Variants in PARP11 observed in about 807,000 individuals in gnomAD.
PARP11 encodes the protein poly(ADP-ribose) polymerase family member 11.
Under a neutral mutation model 42.9 loss-of-function variants are expected in PARP11, and 31 were observed. That is an observed-to-expected ratio of 0.72 (90% CI 0.54 to 0.98). The LOEUF (loss-of-function observed/expected upper bound fraction) is 0.98. PARP11 is among the 50% of genes least tolerant of loss of function. The pLI is 0.00. For synonymous variants in PARP11, 137 were observed against 127.3 expected (o/e 1.08, Z -0.51); for missense variants, 365 against 413.1 (o/e 0.88, Z 1.01).
chr12:3,839,479 C>T, intron 1 of PARP11: 2 of 1,612,162 alleles, frequency 1.2e-6, no homozygotes, highest in East Asian at 2.2e-5. Context: ...CTCTCAGTCT[C>T]GCCATGTTGA....
At chr12:3,829,085 C>T in intron 2 of PARP11, 55 bp from the exon 3 acceptor site, 1 of 1,602,186 alleles carries the variant, frequency 6.2e-7, no homozygotes. Flanking sequence ...AATGACTTGG[C>T]CACAGAGGTG....
chr12:3,843,615 G>GT (rs1947936968), intron 1 of PARP11, among the ~76,000 whole-genome samples: 1 of 152,146 alleles, frequency 6.6e-6, no homozygotes, highest in Non-Finnish European at 1.5e-5. Context: ...GTTTTGCTTT[G>GT]TATTTTATAG....
At chr12:3,859,001 G>A (rs1358679942) in intron 1 of PARP11, among the ~76,000 whole-genome samples, 1 of 151,408 alleles carries the variant, frequency 6.6e-6, no homozygotes, top group Non-Finnish European at 1.5e-5. Context: ...GGAGGCTGAG[G>A]CAGGAGGATC....
intron 6 of PARP11, among the ~76,000 whole-genome samples, chr12:3,816,259 T>C (rs1947285817): frequency 6.6e-6 from 1 of 152,242 alleles, no homozygotes; most frequent in African/African-American, 2.4e-5. Context: ...CCAAGGTCTT[T>C]CTGACTGCTG....
intron 1 of PARP11, chr12:3,841,537 A>C (rs528687731): frequency 4.4e-6 from 7 of 1,599,576 alleles, no homozygotes; most frequent in Non-Finnish European, 6.0e-6. Flanking sequence ...TGGACCGCCG[A>C]CATTTTCTTC....
chr12:3,832,916 G>A (rs2138052366), intron 1 of PARP11, among the ~76,000 whole-genome samples: 1 of 152,252 alleles, frequency 6.6e-6, no homozygotes, highest in East Asian at 1.9e-4. Flanking sequence ...AAGGGCAATG[G>A]GTATGCTGGT....
At chr12:3,849,519 G>A (rs530236378) in intron 1 of PARP11, among the ~76,000 whole-genome samples, 5 of 152,162 alleles carry the variant, frequency 3.3e-5, no homozygotes, top group African/African-American at 4.8e-5. Context: ...GATGAAATGA[G>A]AATTCGTTAT....
chr12:3,851,260 G>C (rs1332181760), intron 1 of PARP11, among the ~76,000 whole-genome samples: 3 of 152,184 alleles, frequency 2.0e-5, no homozygotes, highest in Admixed American at 2.0e-4. Flanking sequence ...GGACTGGTTG[G>C]GCAGCGGGTG....
At chr12:3,836,907 A>G (rs1947777153) in intron 1 of PARP11, among the ~76,000 whole-genome samples, 1 of 152,180 alleles carries the variant, frequency 6.6e-6, no homozygotes, top group South Asian at 2.1e-4. Flanking sequence ...CTACACTGGA[A>G]AAAGTGAGAT....
At chr12:3,814,323 G>T in intron 6 of PARP11, 135 bp from the exon 7 acceptor site, 2 of 611,024 alleles carry the variant, frequency 3.3e-6, no homozygotes, top group Non-Finnish European at 4.9e-6. Context: ...AGTGGACAAA[G>T]CAAGTCTAGA....
intron 1 of PARP11, 142 bp downstream of exon 1, chr12:3,873,070 G>T: frequency 2.4e-6 from 2 of 829,324 alleles, no homozygotes; most frequent in South Asian, 1.5e-5. Context: ...GACTACAGAA[G>T]CCAAAAGGCC....
chr12:3,824,659 T>C lies in PARP11; in HGVS notation c.344+1499A>G, dbSNP rs151327711. ...TAGTTCTCTCCTTGTGCTGTCTTTG[T>C]TCTATGGTTTGTACAGTCTGTGACA... is the stretch of plus-strand genomic sequence containing the variant. On this transcript the variant is annotated intron_variant, in intron 4 of 7. Coordinates refer to ENST00000228820, the MANE Select transcript of PARP11 (RefSeq NM_020367.6). The C allele has an allele frequency of 2.1e-4, 205 of 983,440 alleles. 1 individual carries two copies. The East Asian group carries it at 0.017, about 82-fold the overall frequency. The allele number at this position is 983,440 out of a possible 1,614,324, so 60.9% of individuals were successfully genotyped here.
chr12:3,872,645 G>C (rs1452357617), intron 1 of PARP11: 2 of 985,126 alleles, frequency 2.0e-6, no homozygotes, highest in African/African-American at 3.5e-5. Context: ...AAGGGAAAAG[G>C]AGAACTGATG....
Position 3,840,040 on chromosome 12 carries a change from G to T in PARP11, c.19-10022C>A. 1.9e-6 allele frequency: 3 copies of T among 1,609,310 alleles called. No homozygotes were observed. Among genetic ancestry groups the T allele is most frequent in the Admixed American group, 1.7e-5 (1 of 60,022 alleles). On this transcript the variant is annotated intron_variant, in intron 1 of 7. Transcript: ENST00000228820. The surrounding 1 kb of genome is among the most constrained non-coding windows in gnomAD (Gnocchi z 4.4). Reference sequence around the variant, plus strand: ...TACTAGCCTGCCTTTGGCTAGAAAGGTTCTTAAGTCACTCAATCCTGCAGT... The same window carrying T: ...TACTAGCCTGCCTTTGGCTAGAAAGTTTCTTAAGTCACTCAATCCTGCAGT...
intron 1 of PARP11, among the ~76,000 whole-genome samples, chr12:3,858,470 A>G (rs918097652): frequency 3.9e-5 from 6 of 152,206 alleles, no homozygotes; most frequent in African/African-American, 1.4e-4. Context: ...GACAAAAACC[A>G]TTGTTAATAA....
intron 1 of PARP11, among the ~76,000 whole-genome samples, chr12:3,870,687 T>C (rs11829684): frequency 0.012 from 1,847 of 152,318 alleles, 44 homozygotes; most frequent in African/African-American, 0.042. Context: ...TTGAAGATAC[T>C]ATAGGAAAAA....
In PARP11 at chr12:3,873,201, C is replaced by A. The variant is rs1383688576; in HGVS notation, c.18+11G>T. 6.5e-7 allele frequency: 1 copy of A among 1,548,266 alleles called. No individual in the cohort carries two copies. The highest frequency in any genetic ancestry group is 2.0e-5 in the Admixed American group (1 of 50,962). On this transcript the variant is annotated intron_variant, in intron 1 of 7. Transcript: ENST00000228820. ...CCCCCTGGGCCCGCCCCGTCCCGCC[C>A]GGCTACTCACTGGATTCGCTTCCCA...
In PARP11 at chr12:3,810,699, GAAGA is replaced by G. The variant is rs1487799418; in HGVS notation, c.*1420_*1423del. On this transcript the variant is annotated 3_prime_UTR_variant, in exon 8 of 8. Coordinates refer to ENST00000228820, the MANE Select transcript of PARP11 (RefSeq NM_020367.6). ...GGAAGGAAGGAAAGAAAGAAGGAAG[GAAGA>G]GAGAGAGAAGAGAAGAGAAAGAGAA... 16 of 137,966 alleles carry G rather than the reference GAAGA, an allele frequency of 1.2e-4. No homozygotes were observed. The highest frequency in any genetic ancestry group is 2.4e-4 in the Non-Finnish European group (16 of 66,834). 8.5% of individuals were successfully genotyped at this position (137,966 alleles called of 1,614,324 possible).
chr12:3,817,581 A>C (rs1947317908), intron 6 of PARP11, among the ~76,000 whole-genome samples: 1 of 152,156 alleles, frequency 6.6e-6, no homozygotes, highest in African/African-American at 2.4e-5. Context: ...TCACAGAACT[A>C]CACTAAGTTC....
Sources: allele counts gnomAD v4.1 joint callset (sites outside exome capture counted in the v4.1 genomes callset), GRCh38; gene constraint gnomAD v4.1.1; non-coding constraint Gnocchi (gnomAD v3.1); transcripts MANE v1.5; gene names NCBI Gene and HGNC (gene_info 2026-07-23, HGNC 2026-07-21).